The following KCNH1 variants were observed in gnomAD, a reference collection of about 807,000 sequenced individuals.
The protein encoded by KCNH1 is potassium voltage-gated channel subfamily H member 1.
A neutral mutation model predicts 69.2 loss-of-function variants in KCNH1; 27 were observed. The observed-to-expected ratio is 0.39, with a 90% CI of 0.29 to 0.54. The LOEUF is 0.54. KCNH1 is among the 20% of genes least tolerant of loss of function. The pLI is 0.68. For missense variants in KCNH1, 798 were observed against 1,261.6 expected, an observed-to-expected ratio of 0.63 and a Z score of 5.57; for synonymous variants, 456 against 487.7, an observed-to-expected ratio of 0.93 and a Z score of 0.86.
At chr1:211,114,098 G>A (rs1276794737) in intron 1 of KCNH1, among the ~76,000 whole-genome samples, 3 of 151,942 alleles carry the variant, frequency 2.0e-5, no homozygotes, top group Non-Finnish European at 4.4e-5. Context: ...ACATAAGTTC[G>A]CCAGCTGTGG....
At chr1:210,985,104 G>A (rs188158328) in intron 6 of KCNH1, among the ~76,000 whole-genome samples, 4 of 152,228 alleles carry the variant, frequency 2.6e-5, no homozygotes, top group Non-Finnish European at 2.9e-5. Flanking sequence ...ATGGTAGTTC[G>A]TATTTCTGTG....
chr1:210,970,776 A>G (rs533957817), intron 6 of KCNH1, among the ~76,000 whole-genome samples: 1 of 152,294 alleles, frequency 6.6e-6, no homozygotes, highest in East Asian at 1.9e-4. Flanking sequence ...AACAAACGCT[A>G]AAATTGACAA....
intron 10 of KCNH1, among the ~76,000 whole-genome samples, chr1:210,684,749 G>T (rs1681371054): frequency 6.6e-6 from 1 of 152,198 alleles, no homozygotes; most frequent in Admixed American, 6.5e-5. Flanking sequence ...TCCTTGTCTT[G>T]GGGAGCTTAC....
intron 6 of KCNH1, among the ~76,000 whole-genome samples, chr1:210,920,979 C>A (rs1687447774): frequency 6.6e-6 from 1 of 152,160 alleles, no homozygotes; most frequent in Non-Finnish European, 1.5e-5. Flanking sequence ...TAGGGAACAG[C>A]ATTGTGGTAG....
intron 7 of KCNH1, among the ~76,000 whole-genome samples, chr1:210,822,182 G>A (rs559988669): frequency 6.6e-6 from 1 of 152,098 alleles, no homozygotes; most frequent in Non-Finnish European, 1.5e-5. Context: ...GGCTGGGCAG[G>A]GCATGCATTG....
chr1:211,032,911 G>A (rs1031844202), intron 5 of KCNH1, among the ~76,000 whole-genome samples: 2 of 152,178 alleles, frequency 1.3e-5, no homozygotes, highest in African/African-American at 4.8e-5. Context: ...ATTGACAAAT[G>A]GGATCTAATT....
chr1:210,791,141 T>C (rs1404266768), intron 9 of KCNH1, among the ~76,000 whole-genome samples: 2 of 152,214 alleles, frequency 1.3e-5, no homozygotes, highest in Admixed American at 6.5e-5. Flanking sequence ...CCATGTGGTA[T>C]GTCAAAAAAG....
At chr1:211,039,200 A>T (rs2102430074) in intron 5 of KCNH1, among the ~76,000 whole-genome samples, 1 of 152,374 alleles carries the variant, frequency 6.6e-6, no homozygotes, top group Middle Eastern at 3.4e-3. Context: ...GGACACCCCA[A>T]GCCTTAGCAG....
chr1:210,756,493 A>T (rs1683403184), intron 10 of KCNH1, among the ~76,000 whole-genome samples: 1 of 152,254 alleles, frequency 6.6e-6, no homozygotes, highest in Non-Finnish European at 1.5e-5. Context: ...TCTCCAAGTG[A>T]TAAGGCACAA....
chr1:210,720,875 G>A (rs1422348223), intron 10 of KCNH1, among the ~76,000 whole-genome samples: 1 of 152,134 alleles, frequency 6.6e-6, no homozygotes, highest in East Asian at 1.9e-4. Context: ...CAGGGTAGTG[G>A]GAGTAGAAGA....
rs141981698 is a variant in KCNH1, at chr1:210,710,297, A to G, written c.2113-26159T>C. Among the ~76,000 whole-genome samples the G allele has an allele frequency of 2.6e-5, 4 of 152,062 alleles. No homozygotes were observed. The South Asian group carries it at 6.2e-4, about 24-fold the overall frequency. The stretch of plus-strand genomic sequence containing the variant: ...TGCAGGACTGGAAGTTGCTCTGGGT[A>G]AGTCAGTGGTAAGTGAATGTGAAGG... On this transcript the variant is annotated intron_variant, in intron 10 of 10. Transcript: ENST00000271751.
chr1:210,860,857 C>T, intron 7 of KCNH1: 3 of 926,990 alleles, frequency 3.2e-6, no homozygotes, highest in South Asian at 2.6e-5. Context: ...TCAGCAAGCC[C>T]TTGCTCTCAT....
chr1:210,988,811 C>G (rs1339747625), intron 6 of KCNH1, among the ~76,000 whole-genome samples: 1 of 152,140 alleles, frequency 6.6e-6, no homozygotes, highest in Non-Finnish European at 1.5e-5. Context: ...AGAAGAAAAA[C>G]AAAATGAAAT....
chr1:210,983,121 G>GT (rs1431773404), intron 6 of KCNH1, among the ~76,000 whole-genome samples: 1 of 137,616 alleles, frequency 7.3e-6, no homozygotes, highest in Non-Finnish European at 1.6e-5. Context: ...GGGGTTGTTT[G>GT]TTTTTTTCTT....
intron 7 of KCNH1, among the ~76,000 whole-genome samples, chr1:210,821,706 T>C (rs553962362): frequency 6.6e-6 from 1 of 152,282 alleles, no homozygotes; most frequent in African/African-American, 2.4e-5. Context: ...AAATTGCAGA[T>C]CATATGCCCT....
At chr1:210,790,732 C>T (rs1684196639) in intron 9 of KCNH1, among the ~76,000 whole-genome samples, 1 of 152,192 alleles carries the variant, frequency 6.6e-6, no homozygotes, top group Non-Finnish European at 1.5e-5. Context: ...ACACTCCTTA[C>T]TTCTACTGTA....
chr1:210,693,869 G>C (rs1681579627), intron 10 of KCNH1, among the ~76,000 whole-genome samples: 1 of 152,114 alleles, frequency 6.6e-6, no homozygotes, highest in Non-Finnish European at 1.5e-5. Flanking sequence ...CACTCCTACA[G>C]GGCTTTGGCC....
At chr1:210,882,649 G>C (rs1259773513) in intron 7 of KCNH1, among the ~76,000 whole-genome samples, 1 of 152,178 alleles carries the variant, frequency 6.6e-6, no homozygotes, top group Non-Finnish European at 1.5e-5. Flanking sequence ...AGTCAGAGAT[G>C]CTTTTGGTGT....
chr1:210,680,855 A>G lies in KCNH1; in HGVS notation c.*2426T>C, dbSNP rs1436792649. The G allele has an allele frequency of 6.6e-6, 1 of 152,190 alleles. No individual in the cohort carries two copies. Among genetic ancestry groups the G allele is most frequent in the Non-Finnish European group, 1.5e-5 (1 of 68,052 alleles). 9.4% of individuals were successfully genotyped at this position (152,190 alleles called of 1,614,324 possible). ...GATTCACGAGTGCATTCCTAAAGCTACATTCCCCCCAAGAACATGTCTGGA... is the reference window on the plus strand; with the variant it reads ...GATTCACGAGTGCATTCCTAAAGCTGCATTCCCCCCAAGAACATGTCTGGA... On this transcript the variant is annotated 3_prime_UTR_variant, in exon 11 of 11. Transcript: ENST00000271751.
Sources: allele counts gnomAD v4.1 joint callset (sites outside exome capture counted in the v4.1 genomes callset), GRCh38; gene constraint gnomAD v4.1.1; transcripts MANE v1.5; gene names NCBI Gene and HGNC (gene_info 2026-07-23, HGNC 2026-07-21).